The following SRPX variants were observed in gnomAD, a reference collection of about 807,000 sequenced individuals.
SRPX encodes sushi repeat-containing protein SRPX.
Under a neutral mutation model 38.1 loss-of-function variants are expected in SRPX, and 24 were observed. The observed-to-expected ratio is 0.63, with a 90% CI of 0.46 to 0.89. The LOEUF is 0.89. SRPX is among the 40% of genes least tolerant of loss of function. The pLI is 0.00. For missense variants in SRPX, 416 were observed against 377.8 expected (o/e 1.10, Z -0.84); for synonymous variants, 184 against 153.8 (o/e 1.20, Z -1.45).
rs146336197 is a variant in SRPX, at chrX:38,212,949, C to T, written c.97+7747G>A. On this transcript the variant is annotated intron_variant, in intron 1 of 9. Transcript: ENST00000378533. ...CTGTGTCCACAGATCTACATGTGGCCAGATGGGGGCCTCTTTTTCTAATTC... is the reference window on the plus strand; with the variant it reads ...CTGTGTCCACAGATCTACATGTGGCTAGATGGGGGCCTCTTTTTCTAATTC... 5.8e-4 allele frequency among the ~76,000 whole-genome samples: 65 copies of T among 111,968 alleles called. No homozygotes were observed. The East Asian group carries it at 0.011, about 19-fold the overall frequency.
chrX:38,176,701 G>A (rs1042477388), intron 2 of SRPX, among the ~76,000 whole-genome samples: 2 of 111,831 alleles, frequency 1.8e-5, no homozygotes, highest in Non-Finnish European at 3.8e-5. Flanking sequence ...GCTAAGATAG[G>A]AGAATCGCTT....
intron 3 of SRPX, among the ~76,000 whole-genome samples, 162 bp from the exon 4 acceptor site, chrX:38,172,219 C>T (rs1280847331): frequency 2.7e-5 from 3 of 111,893 alleles, no homozygotes; most frequent in South Asian, 3.7e-4. Flanking sequence ...TTTGGGAGGT[C>T]GAGGCAGGTG....
intron 1 of SRPX, among the ~76,000 whole-genome samples, chrX:38,199,234 G>A (rs34149051): frequency 3.3e-4 from 36 of 110,728 alleles, no homozygotes; most frequent in Non-Finnish European, 5.9e-4. Flanking sequence ...GTGAAACCCC[G>A]TCTCTACTAA....
At chrX:38,220,612 C>A in intron 1 of SRPX, 84 bp downstream of exon 1, 4 of 1,135,682 alleles carry the variant, frequency 3.5e-6, no homozygotes, top group Non-Finnish European at 4.6e-6. Flanking sequence ...CGGCACCTCC[C>A]TCTATCCCGA....
intron 1 of SRPX, among the ~76,000 whole-genome samples, chrX:38,214,026 T>C (rs1248191002): frequency 4.5e-5 from 5 of 111,583 alleles, no homozygotes; most frequent in Admixed American, 3.8e-4. Flanking sequence ...ATCCAAACCA[T>C]ATCAAATGCT....
intron 9 of SRPX, 50 bp downstream of exon 9, chrX:38,154,412 T>C (rs1304322795): frequency 8.6e-7 from 1 of 1,166,947 alleles, no homozygotes; most frequent in East Asian, 3.1e-5. Flanking sequence ...CCTAATCAGT[T>C]AAAAATGCAT....
intron 4 of SRPX, among the ~76,000 whole-genome samples, chrX:38,170,623 C>T (rs986094803): frequency 1.8e-5 from 2 of 111,630 alleles, no homozygotes; most frequent in Non-Finnish European, 3.8e-5. Context: ...TTCTGACAAA[C>T]TGTAATATGA....
intron 1 of SRPX, among the ~76,000 whole-genome samples, chrX:38,196,801 ACTGAGGAGCCT>A (rs1175238981): frequency 8.9e-6 from 1 of 112,210 alleles, no homozygotes; most frequent in Non-Finnish European, 1.9e-5. Flanking sequence ...ATTCATTCCC[ACTGAGGAGCCT>A]CTGAGGAAAC....
chrX:38,210,553 G>T (rs985051521), intron 1 of SRPX, among the ~76,000 whole-genome samples: 1 of 112,154 alleles, frequency 8.9e-6, no homozygotes, highest in Non-Finnish European at 1.9e-5. Flanking sequence ...TCTGGAGACT[G>T]CTGTCTAGAA....
chrX:38,203,759 A>T (rs1024865755), intron 1 of SRPX, among the ~76,000 whole-genome samples: 15 of 112,422 alleles, frequency 1.3e-4, no homozygotes, highest in African/African-American at 1.9e-4. Context: ...AGCCTGCGCA[A>T]CAAAAGGAGA....
chrX:38,170,115 C>A (rs750649389), intron 4 of SRPX, among the ~76,000 whole-genome samples: 1 of 111,811 alleles, frequency 8.9e-6, no homozygotes, highest in African/African-American at 3.3e-5. Flanking sequence ...TAACTTGTGG[C>A]ACCTTCAAAT....
intron 1 of SRPX, among the ~76,000 whole-genome samples, chrX:38,218,384 C>T (rs1435232140): frequency 4.4e-5 from 5 of 112,507 alleles, no homozygotes; most frequent in Non-Finnish European, 9.4e-5. Context: ...AACTTTTCTA[C>T]AAATTTTCCA....
chrX:38,194,340 C>T (rs1361869857), intron 1 of SRPX, among the ~76,000 whole-genome samples: 1 of 112,025 alleles, frequency 8.9e-6, no homozygotes, highest in Non-Finnish European at 1.9e-5. Flanking sequence ...CATACCATTT[C>T]TGACCCATTA....
intron 1 of SRPX, among the ~76,000 whole-genome samples, chrX:38,205,179 G>T (rs1377219133): frequency 8.9e-6 from 1 of 112,301 alleles, no homozygotes; most frequent in Admixed American, 9.4e-5. Flanking sequence ...GAGCAGAAAT[G>T]TGTGCAAGTT....
intron 4 of SRPX, among the ~76,000 whole-genome samples, chrX:38,167,159 T>C (rs1395201164): frequency 8.9e-6 from 1 of 112,292 alleles, no homozygotes; most frequent in Non-Finnish European, 1.9e-5. Context: ...AGCATCCTCA[T>C]TTATAGACTG....
At chrX:38,151,754 G>C (rs1173856768) in intron 9 of SRPX, among the ~76,000 whole-genome samples, 2 of 111,353 alleles carry the variant, frequency 1.8e-5, no homozygotes, top group Non-Finnish European at 3.8e-5. Context: ...GATGCCGACA[G>C]TATGCCTGAG....
At chrX:38,170,715 T>G (rs976095482) in intron 4 of SRPX, among the ~76,000 whole-genome samples, 1 of 111,856 alleles carries the variant, frequency 8.9e-6, no homozygotes, top group African/African-American at 3.3e-5. Flanking sequence ...ATGCTGTTGG[T>G]TTTTGAGAAC....
intron 3 of SRPX, among the ~76,000 whole-genome samples, chrX:38,173,535 C>T (rs1938514020): frequency 9.0e-6 from 1 of 110,908 alleles, no homozygotes; most frequent in Non-Finnish European, 1.9e-5. Flanking sequence ...CTACAACCTC[C>T]GCCTCCCGGG....
chrX:38,162,744 G>A (rs1378032309), intron 5 of SRPX, among the ~76,000 whole-genome samples: 3 of 112,586 alleles, frequency 2.7e-5, no homozygotes, highest in African/African-American at 6.5e-5. Context: ...AACCTGGGAG[G>A]CGGAGGTTGC....
Sources: gnomAD v4.1 joint callset for allele counts (sites outside exome capture counted in the v4.1 genomes callset) on GRCh38, gnomAD v4.1.1 for gene constraint, MANE v1.5 for transcripts, NCBI Gene and HGNC (gene_info 2026-07-23, HGNC 2026-07-21) for gene names.